Variants in FAAH observed in about 807,000 individuals in gnomAD.
FAAH encodes the protein fatty-acid amide hydrolase 1.
FAAH carries 63 observed loss-of-function variants against 69.7 expected under a neutral mutation model. The observed-to-expected ratio is 0.90, with a 90% CI of 0.74 to 1.12. The LOEUF (loss-of-function observed/expected upper bound fraction) is 1.12, where lower values mean the gene tolerates loss of function less well. Ranked by LOEUF, FAAH falls within the 50% of genes most tolerant of loss-of-function variation. The probability of loss-of-function intolerance (pLI) is 0.00; values close to 1 mark genes in which losing one functional copy is unlikely to be tolerated. For synonymous variants in FAAH, 305 were observed against 324.2 expected, an observed-to-expected ratio of 0.94 and a Z score of 0.64; for missense variants, 680 against 755.0, an observed-to-expected ratio of 0.90 and a Z score of 1.16.
In FAAH at chr1:46,413,566, G is replaced by C. The variant is rs202145384; in HGVS notation, c.1731G>C (p.Gln577His). The C allele has an allele frequency of 6.2e-7, 1 of 1,614,104 alleles. No homozygotes were observed. Among genetic ancestry groups the C allele is most frequent in the Non-Finnish European group, 8.5e-7 (1 of 1,179,978 alleles). Residue 577 changes from glutamine to histidine, a missense_variant, in exon 15 of 15, where the codon CAG (glutamine) becomes CAC (histidine). By Grantham distance (24) the Gln-to-His change is conservative. Coordinates refer to ENST00000243167, the MANE Select transcript of FAAH (RefSeq NM_001441.3). ...EVERLMTPEK[Q>H]SS ...AGCGACTGATGACCCCTGAAAAGCA[G>C]TCATCCTGATGGCTCTGGCTCCAGA...
At position 46,411,698 on chromosome 1, in the gene FAAH, G is replaced by A. The variant is rs376351763; in HGVS notation, c.1356+47G>A. Reference sequence around the variant, plus strand: ...TGGAGCAGGGTGGTGGGGGGAGGGTGGAGTTGGACAGGGTACCCGCTAGCA... The same window carrying A: ...TGGAGCAGGGTGGTGGGGGGAGGGTAGAGTTGGACAGGGTACCCGCTAGCA... On this transcript the variant is annotated intron_variant, in intron 12 of 14. Transcript: ENST00000243167. The surrounding 1 kb of genome is among the most constrained non-coding windows in gnomAD (Gnocchi z 4.8). 2.5e-5 allele frequency: 41 copies of A among 1,608,014 alleles called. No individual in the cohort carries two copies. The African/African-American group carries it at 4.0e-4, about 16-fold the overall frequency.
intron 1 of FAAH, among the ~76,000 whole-genome samples, chr1:46,401,155 G>A (rs1267235436): frequency 3.5e-5 from 4 of 115,326 alleles, no homozygotes; most frequent in African/African-American, 9.9e-5. Flanking sequence ...GGGAGTAGGG[G>A]GATTAGGGGG....
At chr1:46,409,420 C>T (rs1183868942) in intron 9 of FAAH, 3 of 545,816 alleles carry the variant, frequency 5.5e-6, no homozygotes, top group Non-Finnish European at 1.0e-5. Context: ...GTATCTGTGG[C>T]CTACCCCTGA....
chr1:46,413,193 G>A lies in FAAH; in HGVS notation c.1584G>A (p.Gly528=), dbSNP rs1354581348. Residue 528 remains glycine (G), a synonymous_variant, in exon 14 of 15, where the codon GGG becomes GGA. Coordinates refer to ENST00000243167, the MANE Select transcript of FAAH (RefSeq NM_001441.3). ...AQMEHYRGYF[G]DIWDKMLQKG... is the part of the protein sequence containing the mutation. ...TGGAACATTACAGGGGCTACTTTGG[G>A]GATATCTGGGACAAGATGCTGCAGA... 1 of 1,614,138 alleles carries A rather than the reference G, an allele frequency of 6.2e-7. No individual in the cohort carries two copies. Among genetic ancestry groups the A allele is most frequent in the Non-Finnish European group, 8.5e-7 (1 of 1,180,006 alleles).
At position 46,409,152 on chromosome 1, in the gene FAAH, A is replaced by G. The variant is rs756530988; in HGVS notation, c.1129A>G (p.Thr377Ala). 1.2e-6 allele frequency: 2 copies of G among 1,613,808 alleles called. No homozygotes were observed. The highest frequency in any genetic ancestry group is 1.7e-5 in the Admixed American group (1 of 59,998). Residue 377 changes from threonine (T) to alanine (A), a missense_variant, in exon 9 of 15, where the codon ACA becomes GCA. Physicochemically the swap from Thr to Ala is moderately conservative, Grantham distance 58. Coordinates refer to ENST00000243167, the MANE Select transcript of FAAH (RefSeq NM_001441.3). ...NIPHALETLS[T>A]GGLFSDGGHT... The stretch of plus-strand genomic sequence containing the variant: ...ACCCCATGCTCTGGAGACCCTGTCA[A>G]CAGGTGGGCTCTTCAGTGATGGTGG...
intron 9 of FAAH, 36 bp downstream of exon 9, chr1:46,409,234 C>A: frequency 1.3e-6 from 2 of 1,536,882 alleles, no homozygotes; most frequent in South Asian, 2.2e-5. Flanking sequence ...TTGGTGGGAT[C>A]AGACAAGTAG....
Position 46,406,253 on chromosome 1 carries a change from C to G in FAAH, c.836C>G (p.Ser279Cys), listed in dbSNP as rs1273510321. ...CVYGQEAVRL[S>C]VGPMARDVES... ...CCTCTCTGCCCCACAGTGCGTCTCT[C>G]CGTGGGCCCCATGGCCCGGGACGTG... Residue 279 changes from serine to cysteine, a missense_variant, in exon 7 of 15, where the codon TCC (serine) becomes TGC (cysteine). Transcript: ENST00000243167. 6.2e-7 allele frequency: 1 copy of G among 1,614,048 alleles called. No homozygotes were observed. The highest frequency in any genetic ancestry group is 1.7e-5 in the Admixed American group (1 of 60,038).
chr1:46,406,094 C>G lies in FAAH; in HGVS notation c.826+16C>G, dbSNP rs1215995942. ...CAGGAGGCAGGTGAGGTCCGTGGTG[C>G]TCTCAGTGCCCCGAGGAGGGTGGGG... On this transcript the variant is annotated intron_variant, in intron 6 of 14. Transcript: ENST00000243167. The G allele has an allele frequency of 6.2e-7, 1 of 1,614,010 alleles. No homozygotes were observed. The highest frequency in any genetic ancestry group is 1.3e-5 in the African/African-American group (1 of 74,928).
At chr1:46,407,045 A>G (rs145624342) in intron 7 of FAAH, among the ~76,000 whole-genome samples, 4 of 151,604 alleles carry the variant, frequency 2.6e-5, no homozygotes, top group Non-Finnish European at 5.9e-5. Context: ...GCAGCACGCC[A>G]CGCTGCCTGC....
At chr1:46,406,859 G>A (rs1397862334) in intron 7 of FAAH, among the ~76,000 whole-genome samples, 1 of 151,902 alleles carries the variant, frequency 6.6e-6, no homozygotes, top group Non-Finnish European at 1.5e-5. Context: ...GCCCGCCTCG[G>A]CCTCCCAAAG....
chr1:46,410,420 T>A lies in FAAH; in HGVS notation c.1198T>A (p.Cys400Ser). Reference sequence around the variant, plus strand: ...CAGCAAAGGTGATTTCGTGGACCCCTGCCTGGGGGACCTGGTCTCAATTCT... The same window carrying A: ...CAGCAAAGGTGATTTCGTGGACCCCAGCCTGGGGGACCTGGTCTCAATTCT... ...QNFKGDFVDP[C>S]LGDLVSILKL... is the part of the protein sequence containing the mutation. The change falls in exon 10 of 15, where the codon TGC becomes AGC. Residue 400 changes from cysteine to serine, a missense_variant. Physicochemically the swap from Cys to Ser is moderately radical, Grantham distance 112. Coordinates refer to ENST00000243167, the MANE Select transcript of FAAH (RefSeq NM_001441.3). This position sits in a 1 kb window ranked among gnomAD's most constrained non-coding sequence, Gnocchi z 4.9. The A allele has an allele frequency of 6.2e-7, 1 of 1,614,134 alleles. No homozygotes were observed. The highest frequency in any genetic ancestry group is 1.1e-5 in the South Asian group (1 of 91,088).
At chr1:46,401,952 G>C in intron 1 of FAAH, 139 bp from the exon 2 acceptor site, 1 of 751,402 alleles carries the variant, frequency 1.3e-6, no homozygotes, top group East Asian at 2.7e-5. Flanking sequence ...GGAGGAGACA[G>C]AGCTGCATTC....
At chr1:46,408,730 T>C (rs1664846453) in intron 8 of FAAH, 146 bp downstream of exon 8, 1 of 1,260,040 alleles carries the variant, frequency 7.9e-7, no homozygotes, top group African/African-American at 1.5e-5. Flanking sequence ...GACAAGTATA[T>C]AGAGGGCTGA....
At position 46,406,301 on chromosome 1, in the gene FAAH, G is replaced by A. The variant is rs145105174; in HGVS notation, c.884G>A (p.Arg295Gln). 1.5e-4 allele frequency: 235 copies of A among 1,613,828 alleles called. 1 individual carries two copies. In the African/African-American group the frequency reaches 2.8e-3, roughly 19 times the overall value. The change falls in exon 7 of 15, where the codon CGA becomes CAA. Residue 295 changes from arginine to glutamine, a missense_variant. Physicochemically the swap from Arg to Gln is conservative, Grantham distance 43. Transcript: ENST00000243167. ...RDVESLALCL[R>Q]ALLCEDMFRL... ...GTGGAGAGCCTGGCACTGTGCCTGCGAGCCCTGCTGTGTGAGGACATGTTC... is the reference window on the plus strand; with the variant it reads ...GTGGAGAGCCTGGCACTGTGCCTGCAAGCCCTGCTGTGTGAGGACATGTTC...
intron 7 of FAAH, among the ~76,000 whole-genome samples, chr1:46,407,675 G>T (rs1664825516): frequency 6.6e-6 from 1 of 152,174 alleles, no homozygotes; most frequent in South Asian, 2.1e-4. Flanking sequence ...GATGTCCCCA[G>T]TGAGGCAGGT....
At position 46,405,785 on chromosome 1, in the gene FAAH, A is replaced by C; in HGVS notation, c.776A>C (p.Asn259Thr). Reference protein sequence around the residue: ...CGICGLKPTGNRLSKSGLKGC... With the variant: ...CGICGLKPTGTRLSKSGLKGC... Reference sequence around the variant, plus strand: ...ATCTGCGGCCTCAAGCCCACAGGGAACCGCCTCAGGTAAGGTGGGTGGAGG... The same window carrying C: ...ATCTGCGGCCTCAAGCCCACAGGGACCCGCCTCAGGTAAGGTGGGTGGAGG... The change falls in exon 5 of 15, where the codon AAC becomes ACC. Residue 259 changes from asparagine to threonine, a missense_variant. By Grantham distance (65) the Asn-to-Thr change is moderately conservative. Coordinates refer to ENST00000243167, the MANE Select transcript of FAAH (RefSeq NM_001441.3). This position sits in a 1 kb window ranked among gnomAD's most constrained non-coding sequence, Gnocchi z 4.1. 6.2e-7 allele frequency: 1 copy of C among 1,613,304 alleles called. No individual in the cohort carries two copies. Among genetic ancestry groups the C allele is most frequent in the Non-Finnish European group, 8.5e-7 (1 of 1,179,980 alleles).
In FAAH at chr1:46,412,139, G is replaced by T; in HGVS notation, c.1357-4G>T. 3 of 1,555,154 alleles carry T rather than the reference G, an allele frequency of 1.9e-6. No homozygotes were observed. Among genetic ancestry groups the T allele is most frequent in the Non-Finnish European group, 2.6e-6 (3 of 1,148,766 alleles). On this transcript the variant is annotated splice_polypyrimidine_tract_variant and splice_region_variant and intron_variant, in intron 12 of 14. Transcript: ENST00000243167. ...TTTCACCTGGTGTGTTGTGTCCTCCGCAGGTGTACCGCAAAACCGTGATTG... is the reference window on the plus strand; with the variant it reads ...TTTCACCTGGTGTGTTGTGTCCTCCTCAGGTGTACCGCAAAACCGTGATTG...
Position 46,411,667 on chromosome 1 carries a change from C to T in FAAH, c.1356+16C>T. 1 of 1,612,738 alleles carries T rather than the reference C, an allele frequency of 6.2e-7. No individual in the cohort carries two copies. Among genetic ancestry groups the T allele is most frequent in the African/African-American group, 1.3e-5 (1 of 74,894 alleles). On this transcript the variant is annotated intron_variant, in intron 12 of 14. Transcript: ENST00000243167. The surrounding 1 kb of genome is among the most constrained non-coding windows in gnomAD (Gnocchi z 4.8). Reference sequence around the variant, plus strand: ...CGAGATCGAGGTGAGGCCAGAGCCTCTGGATTGGAGCAGGGTGGTGGGGGG... The same window carrying T: ...CGAGATCGAGGTGAGGCCAGAGCCTTTGGATTGGAGCAGGGTGGTGGGGGG...
intron 8 of FAAH, 114 bp downstream of exon 8, chr1:46,408,698 G>T: frequency 6.6e-7 from 1 of 1,513,054 alleles, no homozygotes. Context: ...TGTTGTCGTC[G>T]GGGTGAACTG....
Sources: allele counts gnomAD v4.1 joint callset (sites outside exome capture counted in the v4.1 genomes callset), GRCh38; gene constraint gnomAD v4.1.1; non-coding constraint Gnocchi (gnomAD v3.1); transcripts MANE v1.5; gene names NCBI Gene and HGNC (gene_info 2026-07-23, HGNC 2026-07-21).